Variants in TSHZ2 observed in about 807,000 individuals in gnomAD.
TSHZ2 encodes the protein teashirt homolog 2.
In TSHZ2, 21 loss-of-function variants were observed where a neutral mutation model predicts 74.4. The observed-to-expected ratio is 0.28, with a 90% CI of 0.20 to 0.41. The LOEUF (loss-of-function observed/expected upper bound fraction) is 0.41, where lower values mean the gene tolerates loss of function less well. TSHZ2 is among the 10% of genes least tolerant of loss of function. TSHZ2 has a pLI of 1.00. For synonymous variants in TSHZ2, 540 were observed against 515.3 expected, an observed-to-expected ratio of 1.05 and a Z score of -0.65; for missense variants, 1,244 against 1,293.5, an observed-to-expected ratio of 0.96 and a Z score of 0.59.
At chr20:53,050,108 T>TATATATATATATATAG (rs1984379724) in intron 1 of TSHZ2, among the ~76,000 whole-genome samples, 1 of 33,126 alleles carries the variant, frequency 3.0e-5, no homozygotes, top group Non-Finnish European at 5.8e-5. Context: ...TGTGTGTATA[T>TATATATATATATATAG]ATATATATAT....
At chr20:53,182,630 ATC>A (rs1388553966) in intron 1 of TSHZ2, among the ~76,000 whole-genome samples, 1 of 152,204 alleles carries the variant, frequency 6.6e-6, no homozygotes. Flanking sequence ...TTGCCAAAGA[ATC>A]TCTCTAACTT....
chr20:53,212,846 A>G (rs1261760408), intron 1 of TSHZ2, among the ~76,000 whole-genome samples: 1 of 152,196 alleles, frequency 6.6e-6, no homozygotes, highest in Admixed American at 6.5e-5. Context: ...GAATTGGCTC[A>G]GGAACCCATC....
chr20:52,998,703 G>A (rs1982297115), intron 1 of TSHZ2, among the ~76,000 whole-genome samples: 1 of 152,136 alleles, frequency 6.6e-6, no homozygotes, highest in Non-Finnish European at 1.5e-5. Context: ...AGTTCCATGA[G>A]GGCAGGAACC....
At chr20:53,342,113 G>A (rs200617) in intron 2 of TSHZ2, among the ~76,000 whole-genome samples, 65,177 of 151,908 alleles carry the variant, frequency 0.43, 14,497 homozygotes, top group African/African-American at 0.51. Context: ...CGTTAGTACC[G>A]TAAATTTGTC....
At chr20:53,304,845 T>C (rs1978457664) in intron 2 of TSHZ2, among the ~76,000 whole-genome samples, 1 of 152,076 alleles carries the variant, frequency 6.6e-6, no homozygotes, top group African/African-American at 2.4e-5. Flanking sequence ...TTAGCCAAAA[T>C]GGTCTCGATC....
intron 1 of TSHZ2, among the ~76,000 whole-genome samples, chr20:53,007,964 G>C (rs1162621064): frequency 6.6e-6 from 1 of 151,850 alleles, no homozygotes; most frequent in Non-Finnish European, 1.5e-5. Flanking sequence ...TATGTGTAAG[G>C]GTGTCTACCT....
In TSHZ2 at chr20:53,265,188, T is replaced by G. The variant is rs148203190; in HGVS notation, c.*8+8617T>G. Among the ~76,000 whole-genome samples, 9 of 152,180 alleles carry G rather than the reference T, an allele frequency of 5.9e-5. No homozygotes were observed. The East Asian group carries it at 1.7e-3, about 29-fold the overall frequency. ...ATAAGGCCTAGAGAGGTTCAGTGAC[T>G]TAACCCAGGCCACACAGCTAACAGA... On this transcript the variant is annotated intron_variant, in intron 2 of 2. Coordinates refer to ENST00000371497, the MANE Select transcript of TSHZ2 (RefSeq NM_173485.6).
intron 1 of TSHZ2, among the ~76,000 whole-genome samples, chr20:53,091,622 A>C (rs910459675): frequency 6.6e-6 from 1 of 152,208 alleles, no homozygotes; most frequent in Non-Finnish European, 1.5e-5. Context: ...TTGAAGATGC[A>C]AAAGTATCAC....
At chr20:53,355,946 G>A (rs1013219886) in intron 2 of TSHZ2, among the ~76,000 whole-genome samples, 14 of 152,180 alleles carry the variant, frequency 9.2e-5, no homozygotes, top group African/African-American at 3.1e-4. Context: ...AGATGAGCGA[G>A]CATTTGGCAT....
intron 2 of TSHZ2, among the ~76,000 whole-genome samples, chr20:53,299,918 AG>A (rs1991449433): frequency 6.6e-6 from 1 of 152,254 alleles, no homozygotes; most frequent in South Asian, 2.1e-4. Flanking sequence ...AAACTTAAAA[AG>A]TAAAATAAAA....
At chr20:53,228,210 C>A (rs936679035) in intron 1 of TSHZ2, among the ~76,000 whole-genome samples, 3 of 151,858 alleles carry the variant, frequency 2.0e-5, no homozygotes, top group Non-Finnish European at 2.9e-5. Context: ...AGCCTCAGGA[C>A]TCTGTGCCTC....
chr20:53,103,286 G>T (rs1386085470), intron 1 of TSHZ2, among the ~76,000 whole-genome samples: 1 of 152,060 alleles, frequency 6.6e-6, no homozygotes, highest in Non-Finnish European at 1.5e-5. Context: ...GGTATCTTTT[G>T]GTTCTACTTC....
intron 1 of TSHZ2, chr20:53,208,679 T>C (rs1376045315): frequency 1.3e-5 from 2 of 152,236 alleles, no homozygotes; most frequent in African/African-American, 4.8e-5. Flanking sequence ...ATTGCTGTTC[T>C]CCTCATTTTA....
At chr20:53,375,627 G>T (rs1284461842) in intron 2 of TSHZ2, among the ~76,000 whole-genome samples, 1 of 152,060 alleles carries the variant, frequency 6.6e-6, no homozygotes, top group Non-Finnish European at 1.5e-5. Flanking sequence ...GGAACCACAG[G>T]GCTGCTGCTT....
In TSHZ2 at chr20:53,001,057, C is replaced by T. The variant is rs115265601; in HGVS notation, c.40+27724C>T. Reference sequence around the variant, plus strand: ...GACAGCCATCTGATAATGACTGTTGCTATTTTAAGACACAGATAGCAGAGA... The same window carrying T: ...GACAGCCATCTGATAATGACTGTTGTTATTTTAAGACACAGATAGCAGAGA... On this transcript the variant is annotated intron_variant, in intron 1 of 2. Transcript: ENST00000371497. Among the ~76,000 whole-genome samples the T allele has an allele frequency of 7.5e-3, 1,140 of 152,168 alleles. 8 individuals carry two copies. The highest frequency in any genetic ancestry group is 0.024 in the African/African-American group (1,011 of 41,510).
intron 1 of TSHZ2, among the ~76,000 whole-genome samples, chr20:53,164,419 C>T (rs1436407893): frequency 8.1e-6 from 1 of 123,522 alleles, no homozygotes; most frequent in African/African-American, 3.9e-5. Context: ...TCCTGGTCAC[C>T]TTTCTTAAAA....
chr20:53,065,572 C>G (rs1984955443), intron 1 of TSHZ2, among the ~76,000 whole-genome samples: 2 of 152,198 alleles, frequency 1.3e-5, no homozygotes, highest in Non-Finnish European at 2.9e-5. Flanking sequence ...GCAACACAGT[C>G]GGGACCCAGG....
At chr20:53,302,087 T>C (rs1445324765) in intron 2 of TSHZ2, among the ~76,000 whole-genome samples, 2 of 152,174 alleles carry the variant, frequency 1.3e-5, no homozygotes, top group Admixed American at 6.5e-5. Flanking sequence ...TTATTTGTAA[T>C]TTATGTATGT....
chr20:53,339,550 G>T lies in TSHZ2; in HGVS notation c.*8+82979G>T, dbSNP rs144564256. Among the ~76,000 whole-genome samples, 10 of 152,218 alleles carry T rather than the reference G, an allele frequency of 6.6e-5. No homozygotes were observed. In the East Asian group the frequency reaches 1.9e-3, roughly 29 times the overall value. On this transcript the variant is annotated intron_variant, in intron 2 of 2. Transcript: ENST00000371497. ...CCACAGCCAGCTACATGATTTTCAG[G>T]GCCCAGTAAAAAATGAGCATTCAGG... is the stretch of plus-strand genomic sequence containing the variant.
Sources: gnomAD v4.1 joint callset for allele counts (sites outside exome capture counted in the v4.1 genomes callset) on GRCh38, gnomAD v4.1.1 for gene constraint, MANE v1.5 for transcripts, NCBI Gene and HGNC (gene_info 2026-07-23, HGNC 2026-07-21) for gene names.